Variants in WDR4 observed in about 807,000 individuals in gnomAD.
WDR4 encodes tRNA (guanine-N(7)-)-methyltransferase non-catalytic subunit WDR4.
WDR4 carries 47 observed loss-of-function variants against 48.6 expected under a neutral mutation model. The ratio of observed to expected loss-of-function variants is 0.97; its 90% CI spans 0.77 to 1.23. The LOEUF (loss-of-function observed/expected upper bound fraction) is 1.23, where lower values mean the gene tolerates loss of function less well. Ranked by LOEUF, WDR4 falls within the 50% of genes most tolerant of loss-of-function variation. The pLI is 0.00. For synonymous variants in WDR4, 268 were observed against 230.0 expected (o/e 1.17, Z -1.49); for missense variants, 606 against 551.6 (o/e 1.10, Z -0.99).
At chr21:42,879,650 G>A (rs1312748982), upstream of WDR4, 1 of 947,136 alleles carries the variant, frequency 1.1e-6, no homozygotes, top group Non-Finnish European at 1.5e-6. Flanking sequence ...ATGCGTGAAA[G>A]GTGCTGTGAC....
At chr21:42,872,234 C>T (rs138767301) in intron 3 of WDR4, among the ~76,000 whole-genome samples, 1 of 152,204 alleles carries the variant, frequency 6.6e-6, no homozygotes, top group Admixed American at 6.5e-5. Context: ...TCCGATCCGC[C>T]TGCCTCGGCC....
chr21:42,858,447 G>A (rs2058043946), intron 6 of WDR4, among the ~76,000 whole-genome samples: 1 of 152,220 alleles, frequency 6.6e-6, no homozygotes, highest in Non-Finnish European at 1.5e-5. Flanking sequence ...AAGCTCCGAG[G>A]GAAACCGTTT....
intron 3 of WDR4, among the ~76,000 whole-genome samples, chr21:42,871,229 T>C (rs1187260843): frequency 6.6e-6 from 1 of 152,220 alleles, no homozygotes; most frequent in East Asian, 1.9e-4. Context: ...TTCCAGCCCC[T>C]ACAACTGTGA....
intron 6 of WDR4, among the ~76,000 whole-genome samples, chr21:42,859,124 C>G (rs550605801): frequency 6.6e-6 from 1 of 152,134 alleles, no homozygotes; most frequent in Non-Finnish European, 1.5e-5. Flanking sequence ...CAAAAATGCA[C>G]TGTGGTAACC....
chr21:42,881,403 G>C (rs2146128298), upstream of WDR4, among the ~76,000 whole-genome samples: 1 of 108,484 alleles, frequency 9.2e-6, no homozygotes, highest in Admixed American at 7.9e-5. Flanking sequence ...TGGCCAGTTT[G>C]TTTGTTTGTT....
chr21:42,865,923 G>C (rs919919337), intron 3 of WDR4, among the ~76,000 whole-genome samples: 1 of 151,962 alleles, frequency 6.6e-6, no homozygotes, highest in African/African-American at 2.4e-5. Flanking sequence ...CCCCTCCAGA[G>C]AGCCGCCTGG....
At chr21:42,877,512 A>G (rs970861820) in intron 1 of WDR4, among the ~76,000 whole-genome samples, 10 of 152,052 alleles carry the variant, frequency 6.6e-5, no homozygotes, top group Non-Finnish European at 1.0e-4. Context: ...TCTCTGTGGA[A>G]CAAAAAATAT....
In WDR4 at chr21:42,852,321, C is replaced by T. The variant is rs139282631; in HGVS notation, c.979G>A (p.Val327Ile). ...YRPVGDQWQSVPESTVLKKVS... is the reference protein window; with the variant it reads ...YRPVGDQWQSIPESTVLKKVS... ...TTCTTTAACACGGTGCTCTCAGGAA[C>T]AGACTGCAGGCGACAAACAGGAAAT... is the stretch of plus-strand genomic sequence containing the variant. The change falls in exon 10 of 11, where the codon GTT (valine) becomes ATT (isoleucine). Residue 327 changes from valine to isoleucine, a missense_variant. Transcript: ENST00000398208. The T allele has an allele frequency of 1.2e-6, 2 of 1,614,094 alleles. No individual in the cohort carries two copies. The highest frequency in any genetic ancestry group is 2.7e-5 in the African/African-American group (2 of 75,072).
intron 3 of WDR4, among the ~76,000 whole-genome samples, chr21:42,870,275 C>T (rs966325907): frequency 2.6e-5 from 4 of 152,146 alleles, no homozygotes; most frequent in East Asian, 1.9e-4. Flanking sequence ...CGCTTGAACC[C>T]GGGAGGTGGA....
rs577967699 is a variant in WDR4, at chr21:42,869,462, G to T, written c.296+4089C>A. ...GGGCTTTGAAGTTTTGTCAGCTAAG[G>T]CAAGGGTATTGGAAAATGCTAATCC... On this transcript the variant is annotated intron_variant, in intron 3 of 10. Coordinates refer to ENST00000398208, the MANE Select transcript of WDR4 (RefSeq NM_018669.6). Among the ~76,000 whole-genome samples, 7 of 152,232 alleles carry T rather than the reference G, an allele frequency of 4.6e-5. No homozygotes were observed. The South Asian group carries it at 1.0e-3, about 23-fold the overall frequency.
chr21:42,863,731 GC>G (rs891789534), intron 3 of WDR4, 135 bp from the exon 4 acceptor site: 2 of 1,017,932 alleles, frequency 2.0e-6, no homozygotes, highest in Admixed American at 5.1e-5. Context: ...TGAAGGTGGT[GC>G]CAAAAAAATT....
chr21:42,864,107 C>CAAAAAAAAA (rs776906461), intron 3 of WDR4, among the ~76,000 whole-genome samples: 12 of 50,564 alleles, frequency 2.4e-4, no homozygotes, highest in African/African-American at 4.0e-4. Context: ...GACTCCGTCT[C>CAAAAAAAAA]AAAAAAAAAA....
chr21:42,856,721 G>C lies in WDR4; in HGVS notation c.628-941C>G, dbSNP rs1602708513. 3.9e-5 allele frequency among the ~76,000 whole-genome samples: 6 copies of C among 152,210 alleles called. No homozygotes were observed. The South Asian group carries it at 1.2e-3, about 32-fold the overall frequency. ...TAAATACCCCAAACAGCTAACAGTAGATGCATATCCTCTGGGTGCCGAGGT... is the reference window on the plus strand; with the variant it reads ...TAAATACCCCAAACAGCTAACAGTACATGCATATCCTCTGGGTGCCGAGGT... On this transcript the variant is annotated intron_variant, in intron 6 of 10. Transcript: ENST00000398208.
intron 1 of WDR4, among the ~76,000 whole-genome samples, chr21:42,876,982 C>A (rs543667614): frequency 6.6e-6 from 1 of 152,020 alleles, no homozygotes; most frequent in Non-Finnish European, 1.5e-5. Context: ...GCACTCCCAG[C>A]TAATTTTTAC....
At position 42,859,711 on chromosome 21, in the gene WDR4, C is replaced by T. The variant is rs765803797; in HGVS notation, c.578G>A (p.Arg193His). ...GGGCTGAGTTGGCACCACGGAGATA[C>T]GGCTCACAAACCTGTGAGGGCGAGA... ...FCLGHTEFVS[R>H]ISVVPTQPGL... Residue 193 changes from arginine (R) to histidine (H), a missense_variant, in exon 6 of 11, where the codon CGT becomes CAT. Transcript: ENST00000398208. 3.8e-5 allele frequency: 59 copies of T among 1,556,410 alleles called. 1 individual carries two copies. Among genetic ancestry groups the T allele is most frequent in the Middle Eastern group, 3.3e-4 (2 of 5,988 alleles).
chr21:42,874,298 T>A (rs2058438255), intron 2 of WDR4, among the ~76,000 whole-genome samples: 3 of 152,216 alleles, frequency 2.0e-5, no homozygotes, highest in South Asian at 4.1e-4. Context: ...ATGCCTGTCT[T>A]TACTTTAATC....
At chr21:42,860,649 C>A (rs2146037904) in intron 5 of WDR4, among the ~76,000 whole-genome samples, 3 of 152,398 alleles carry the variant, frequency 2.0e-5, no homozygotes, top group Admixed American at 2.0e-4. Context: ...AGCCCACAGC[C>A]CAGGACAGAT....
intron 11 of WDR4, among the ~76,000 whole-genome samples, chr21:42,843,660 G>A (rs374598113): frequency 3.4e-4 from 52 of 151,580 alleles, no homozygotes; most frequent in Middle Eastern, 3.4e-3. Flanking sequence ...TGCAACCTCC[G>A]CCTCCCAGGT....
exon 12 of WDR4, chr21:42,843,256 GTGGTCCACAGTC>G (rs2057681869): frequency 2.0e-5 from 3 of 152,166 alleles, no homozygotes; most frequent in African/African-American, 7.2e-5. Flanking sequence ...TCGCACATAA[GTGGTCCACAGTC>G]GACAGAAACA....
Sources: gnomAD v4.1 joint callset for allele counts (sites outside exome capture counted in the v4.1 genomes callset) on GRCh38, gnomAD v4.1.1 for gene constraint, MANE v1.5 for transcripts, NCBI Gene and HGNC (gene_info 2026-07-23, HGNC 2026-07-21) for gene names.